The following MINDY2 variants were observed in gnomAD, a reference collection of about 807,000 sequenced individuals.
MINDY2 encodes the protein MINDY lysine 48 deubiquitinase 2, also known as ubiquitin carboxyl-terminal hydrolase MINDY-2.
A neutral mutation model predicts 68.2 loss-of-function variants in MINDY2; 52 were observed. The ratio of observed to expected loss-of-function variants is 0.76; its 90% CI spans 0.61 to 0.96. The LOEUF is 0.96. Ranked by LOEUF, MINDY2 falls within the 40% of genes least tolerant of loss-of-function variation. The pLI, the probability that MINDY2 is intolerant of heterozygous loss-of-function variation, is 0.00. For synonymous variants in MINDY2, 372 were observed against 303.0 expected, an observed-to-expected ratio of 1.23 and a Z score of -2.36; for missense variants, 881 against 773.4, an observed-to-expected ratio of 1.14 and a Z score of -1.65.
At chr15:58,827,687 C>T (rs1214178349) in intron 5 of MINDY2, among the ~76,000 whole-genome samples, 2 of 152,034 alleles carry the variant, frequency 1.3e-5, no homozygotes, top group South Asian at 2.1e-4. Flanking sequence ...CTCCTGACCT[C>T]GTGATTCTCC....
At chr15:58,810,419 C>A in intron 4 of MINDY2, 31 bp downstream of exon 4, 1 of 1,496,274 alleles carries the variant, frequency 6.7e-7, no homozygotes, top group Non-Finnish European at 9.0e-7. Flanking sequence ...TATGTAAACA[C>A]AAATACAGGA....
At chr15:58,787,494 T>C (rs1478340036) in intron 1 of MINDY2, among the ~76,000 whole-genome samples, 1 of 151,814 alleles carries the variant, frequency 6.6e-6, no homozygotes, top group Non-Finnish European at 1.5e-5. Context: ...TCCCAGCACT[T>C]TGGGAGGCCG....
At chr15:58,828,826 A>T (rs1454528162) in intron 5 of MINDY2, among the ~76,000 whole-genome samples, 2 of 152,046 alleles carry the variant, frequency 1.3e-5, no homozygotes, top group Non-Finnish European at 2.9e-5. Flanking sequence ...AAGTGCTGGG[A>T]TTACAGGCAT....
At position 58,858,456 on chromosome 15, in the gene MINDY2, T is replaced by A. The variant is rs1435029514; in HGVS notation, c.*3846T>A. The A allele has an allele frequency of 5.9e-5, 9 of 152,088 alleles. No homozygotes were observed. The highest frequency in any genetic ancestry group is 5.9e-4 in the Admixed American group (9 of 15,262). The allele number at this position is 152,088 out of a possible 1,614,324, so 9.4% of individuals were successfully genotyped here. A position where few individuals can be genotyped will look rare whatever the true frequency, so the allele number is the denominator to read the frequency against. On this transcript the variant is annotated 3_prime_UTR_variant, in exon 9 of 9. Coordinates refer to ENST00000559228, the MANE Select transcript of MINDY2 (RefSeq NM_001040450.3). ...TTCTTAGCATTTTGCTTTCAATGAA[T>A]CAGAAAGTCAATTCACTAAGAGACA...
intron 4 of MINDY2, among the ~76,000 whole-genome samples, chr15:58,812,402 A>G (rs2030344621): frequency 6.6e-6 from 1 of 151,202 alleles, no homozygotes; most frequent in Non-Finnish European, 1.5e-5. Flanking sequence ...GTGCCACTGC[A>G]TTCTAGCCTG....
At chr15:58,839,585 G>T (rs920499074) in intron 6 of MINDY2, among the ~76,000 whole-genome samples, 4 of 152,018 alleles carry the variant, frequency 2.6e-5, no homozygotes, top group Non-Finnish European at 4.4e-5. Context: ...ACCCACCTTG[G>T]CCTCCCAAAG....
At position 58,798,374 on chromosome 15, in the gene MINDY2, C is replaced by CT. The variant is rs567018836; in HGVS notation, c.899-3937dup. ...ACTCCTGACCTCGTGATCCACCCACCTTACACTCTCAAAGTGCTGGGACTA... is the reference window on the plus strand; with the variant it reads ...ACTCCTGACCTCGTGATCCACCCACCTTTACACTCTCAAAGTGCTGGGACTA... On this transcript the variant is annotated intron_variant, in intron 2 of 8. Coordinates refer to ENST00000559228, the MANE Select transcript of MINDY2 (RefSeq NM_001040450.3). Among the ~76,000 whole-genome samples, 863 of 151,710 alleles carry CT rather than the reference C, an allele frequency of 5.7e-3. 11 individuals are homozygous for CT. Among genetic ancestry groups the CT allele is most frequent in the African/African-American group, 0.013 (520 of 41,332 alleles).
chr15:58,811,119 A>G lies in MINDY2; in HGVS notation c.1122+731A>G, dbSNP rs546690032. On this transcript the variant is annotated intron_variant, in intron 4 of 8. Transcript: ENST00000559228. ...CACAATAAATAACACAGTCACTCCT[A>G]TTGGTACAGCAATGCCAAGATTTAG... Among the ~76,000 whole-genome samples the G allele has an allele frequency of 1.0e-3, 152 of 152,260 alleles. 2 individuals carry two copies. Among genetic ancestry groups the G allele is most frequent in the Non-Finnish European group, 1.9e-3 (130 of 68,036 alleles).
chr15:58,825,431 C>T (rs2031331757), intron 5 of MINDY2, among the ~76,000 whole-genome samples: 1 of 152,080 alleles, frequency 6.6e-6, no homozygotes, highest in Non-Finnish European at 1.5e-5. Context: ...AGAAACAATA[C>T]CTTTTTGAAT....
At chr15:58,799,854 T>A (rs1902524355) in intron 2 of MINDY2, among the ~76,000 whole-genome samples, 1 of 152,000 alleles carries the variant, frequency 6.6e-6, no homozygotes, top group South Asian at 2.1e-4. Flanking sequence ...GTGGAAGAGA[T>A]GTAGGGAGAA....
chr15:58,799,510 C>T (rs1033133087), intron 2 of MINDY2, among the ~76,000 whole-genome samples: 3 of 149,256 alleles, frequency 2.0e-5, no homozygotes, highest in Admixed American at 6.8e-5. Context: ...ACCCGGGAGG[C>T]GGAGCTTGCA....
intron 2 of MINDY2, among the ~76,000 whole-genome samples, chr15:58,792,759 A>C (rs1321629842): frequency 6.6e-6 from 1 of 152,258 alleles, no homozygotes; most frequent in Non-Finnish European, 1.5e-5. Context: ...GTACGAATAC[A>C]TGCTATAACA....
chr15:58,822,571 T>C (rs1395707528), intron 5 of MINDY2, among the ~76,000 whole-genome samples: 1 of 152,218 alleles, frequency 6.6e-6, no homozygotes, highest in Non-Finnish European at 1.5e-5. Flanking sequence ...TAATACAATA[T>C]TAAAGCCCCA....
chr15:58,802,292 A>AT (rs761904921), intron 2 of MINDY2, 21 bp from the exon 3 acceptor site: 2 of 1,453,258 alleles, frequency 1.4e-6, no homozygotes, highest in East Asian at 2.3e-5. Context: ...CAATTTTACA[A>AT]TTCTTTTTTT....
intron 4 of MINDY2, among the ~76,000 whole-genome samples, chr15:58,812,470 C>T (rs1376728745): frequency 1.3e-5 from 2 of 151,662 alleles, no homozygotes; most frequent in African/African-American, 2.4e-5. Context: ...AAAGAATGAT[C>T]CCTCATACCT....
At chr15:58,819,697 T>C (rs1886781948) in intron 4 of MINDY2, among the ~76,000 whole-genome samples, 1 of 152,150 alleles carries the variant, frequency 6.6e-6, no homozygotes, top group Non-Finnish European at 1.5e-5. Flanking sequence ...ATTCAGATTA[T>C]TTGAAAAGAC....
At chr15:58,791,243 A>ATATATATATG (rs1901886312) in intron 2 of MINDY2, among the ~76,000 whole-genome samples, 1 of 94,228 alleles carries the variant, frequency 1.1e-5, no homozygotes. Context: ...ATATATATAT[A>ATATATATATG]TATATATATA....
At chr15:58,800,045 G>T (rs1454058564) in intron 2 of MINDY2, among the ~76,000 whole-genome samples, 1 of 152,136 alleles carries the variant, frequency 6.6e-6, no homozygotes, top group Non-Finnish European at 1.5e-5. Flanking sequence ...ATATAAATAC[G>T]CTATAAAGCG....
At chr15:58,841,971 T>C (rs1162001936) in intron 6 of MINDY2, among the ~76,000 whole-genome samples, 1 of 152,136 alleles carries the variant, frequency 6.6e-6, no homozygotes, top group African/African-American at 2.4e-5. Flanking sequence ...ATCCTAGATC[T>C]AGTTGTTGCA....
Sources: gnomAD v4.1 joint callset for allele counts (sites outside exome capture counted in the v4.1 genomes callset) on GRCh38, gnomAD v4.1.1 for gene constraint, MANE v1.5 for transcripts, NCBI Gene and HGNC (gene_info 2026-07-23, HGNC 2026-07-21) for gene names.